Variants in EDNRB observed in about 807,000 individuals in gnomAD.
EDNRB encodes the protein endothelin receptor type B.
EDNRB carries 18 observed loss-of-function variants against 46.4 expected under a neutral mutation model. The ratio of observed to expected loss-of-function variants is 0.39; its 90% CI spans 0.27 to 0.57. The LOEUF is 0.57. Among genes scored for constraint, EDNRB ranks in the 20% least tolerant of loss-of-function variants. The probability of loss-of-function intolerance (pLI) is 0.61; values close to 1 mark genes in which losing one functional copy is unlikely to be tolerated. For missense variants in EDNRB, 434 were observed against 537.5 expected, an observed-to-expected ratio of 0.81 and a Z score of 1.90; for synonymous variants, 213 against 204.9, an observed-to-expected ratio of 1.04 and a Z score of -0.34.
At chr13:77,933,751 C>T (rs1029905945) in intron 1 of EDNRB, among the ~76,000 whole-genome samples, 4 of 152,020 alleles carry the variant, frequency 2.6e-5, no homozygotes, top group Non-Finnish European at 4.4e-5. Flanking sequence ...AGGGCTGCTT[C>T]GAGCGGGATT....
In EDNRB at chr13:77,937,006, G is replaced by A. The variant is rs1880587592; in HGVS notation, c.-51-18382C>T. On this transcript the variant is annotated intron_variant, in intron 1 of 7. Transcript: ENST00000646948. ...ATTAATTCCTGTTGTGGGGTTTGAG[G>A]GCCAGATTCTAATTTTTGAAGTTTT... Among the ~76,000 whole-genome samples, 8 of 152,104 alleles carry A rather than the reference G, an allele frequency of 5.3e-5. 1 individual carries two copies. Among genetic ancestry groups the A allele is most frequent in the Admixed American group, 5.2e-4 (8 of 15,276 alleles).
Position 77,918,064 on chromosome 13 carries a change from A to T in EDNRB, c.483+27T>A, listed in dbSNP as rs753492844. The T allele has an allele frequency of 1.2e-6, 2 of 1,613,736 alleles. No individual in the cohort carries two copies. Among genetic ancestry groups the T allele is most frequent in the Non-Finnish European group, 8.5e-7 (1 of 1,180,016 alleles). ...CAACCAGGCCCCCTTCCTCAAGCCC[A>T]CCATGATTTCAGCAGGCGCCCTTTA... On this transcript the variant is annotated intron_variant, in intron 1 of 6. Transcript: ENST00000646607. The surrounding 1 kb of genome is among the most constrained non-coding windows in gnomAD (Gnocchi z 4.5).
At position 77,918,210 on chromosome 13, in the gene EDNRB, G is replaced by A; in HGVS notation, c.364C>T (p.Leu122Phe). 6.2e-7 allele frequency: 1 copy of A among 1,614,170 alleles called. No homozygotes were observed. The highest frequency in any genetic ancestry group is 8.5e-7 in the Non-Finnish European group (1 of 1,180,024). The change falls in exon 1 of 7, where the codon CTT becomes TTT. Residue 122 changes from leucine (L) to phenylalanine (F), a missense_variant. Leu to Phe is a conservative substitution (Grantham distance 22). Transcript: ENST00000646607. This position sits in a 1 kb window ranked among gnomAD's most constrained non-coding sequence, Gnocchi z 4.5. ...TTGTTCTTGTAGATAATTCTCAGAA[G>A]TGTGGAGTTCCCGATGATCCCCAGC... ...FVLGIIGNST[L>F]LRIIYKNKCM...
In EDNRB at chr13:77,918,750, C is replaced by A. The variant is rs201187663; in HGVS notation, c.-177G>T. On this transcript the variant is annotated 5_prime_UTR_variant, in exon 1 of 7. Coordinates refer to ENST00000646607, the MANE Select transcript of EDNRB (RefSeq NM_001122659.3). This position sits in a 1 kb window ranked among gnomAD's most constrained non-coding sequence, Gnocchi z 4.5. ...CACGCTCAAAAGTAACTCAAGTTTG[C>A]GCGCCAGTGGGAAACTTGGCGCTCA... 2 of 1,327,262 alleles carry A rather than the reference C, an allele frequency of 1.5e-6. No individual in the cohort carries two copies. The highest frequency in any genetic ancestry group is 1.9e-6 in the Non-Finnish European group (2 of 1,043,736). 82.2% of individuals were successfully genotyped at this position (1,327,262 alleles called of 1,614,324 possible). A position where few individuals can be genotyped will look rare whatever the true frequency, so the allele number is the denominator to read the frequency against.
intron 1 of EDNRB, chr13:77,939,889 G>C (rs1422121586): frequency 1.3e-5 from 2 of 152,058 alleles, no homozygotes; most frequent in Non-Finnish European, 2.9e-5. Context: ...CCAGCTACTT[G>C]GGAGGCTGAT....
At chr13:77,963,130 C>G (rs1881475950) in intron 1 of EDNRB, among the ~76,000 whole-genome samples, 1 of 152,124 alleles carries the variant, frequency 6.6e-6, no homozygotes, top group Non-Finnish European at 1.5e-5. Flanking sequence ...AGGACACAAA[C>G]AAATGGAAGA....
chr13:77,899,804 A>G, intron 6 of EDNRB, 55 bp downstream of exon 6: 1 of 1,336,034 alleles, frequency 7.5e-7, no homozygotes, highest in Non-Finnish European at 1.1e-6. Context: ...CAGTTTTGAA[A>G]GCTTATATTT....
At chr13:77,900,091 C>G in intron 5 of EDNRB, 124 bp from the exon 6 acceptor site, 1 of 780,456 alleles carries the variant, frequency 1.3e-6, no homozygotes. Flanking sequence ...ATTTATCACT[C>G]GTCTTTGCTA....
chr13:77,941,656 C>T (rs550144850), intron 1 of EDNRB, among the ~76,000 whole-genome samples: 7 of 151,138 alleles, frequency 4.6e-5, no homozygotes, highest in South Asian at 4.2e-4. Flanking sequence ...TGGAACAGAA[C>T]GATGGTTTAA....
At chr13:77,964,403 A>G (rs1322326477) in intron 1 of EDNRB, among the ~76,000 whole-genome samples, 1 of 152,222 alleles carries the variant, frequency 6.6e-6, no homozygotes, top group East Asian at 1.9e-4. Flanking sequence ...GATAGACTGG[A>G]TTGAGAAAAT....
intron 2 of EDNRB, 59 bp from the exon 3 acceptor site, chr13:77,903,419 A>T (rs1460134240): frequency 1.2e-6 from 2 of 1,610,486 alleles, no homozygotes; most frequent in African/African-American, 2.7e-5. Context: ...ATTGAATTGC[A>T]CAGTTTATTT....
chr13:77,899,954 A>G lies in EDNRB; in HGVS notation c.1099T>C (p.Leu367=), dbSNP rs1878850920. 6.2e-7 allele frequency: 1 copy of G among 1,611,690 alleles called. No homozygotes were observed. Among genetic ancestry groups the G allele is most frequent in the Non-Finnish European group, 8.5e-7 (1 of 1,178,590 alleles). Residue 367 remains leucine, a synonymous_variant, in exon 6 of 7, where the codon TTG becomes CTG. Coordinates refer to ENST00000646607, the MANE Select transcript of EDNRB (RefSeq NM_001122659.3). ...GCCATGTTGATACCAATATAGTCCA[A>G]TACCAACAGAAAGCTGCAACAAAAT... ...RCELLSFLLV[L]DYIGINMASL...
At chr13:77,952,607 G>A (rs899361628) in intron 1 of EDNRB, among the ~76,000 whole-genome samples, 4 of 152,110 alleles carry the variant, frequency 2.6e-5, no homozygotes, top group African/African-American at 9.7e-5. Context: ...AAAAATTAAA[G>A]TACTACAATA....
intron 1 of EDNRB, among the ~76,000 whole-genome samples, chr13:77,969,678 C>T (rs1881674799): frequency 6.6e-6 from 1 of 152,152 alleles, no homozygotes; most frequent in East Asian, 1.9e-4. Context: ...CAAAACATTA[C>T]CCGCCTGCAC....
chr13:77,918,371 G>A lies in EDNRB; in HGVS notation c.203C>T (p.Pro68Leu), dbSNP rs201737510. The change falls in exon 1 of 7, where the codon CCT (proline) becomes CTT (leucine). Residue 68 changes from proline (P) to leucine (L), a missense_variant. Pro to Leu is a moderately conservative substitution (Grantham distance 98, BLOSUM62 -3). Transcript: ENST00000646607. The surrounding 1 kb of genome is among the most constrained non-coding windows in gnomAD (Gnocchi z 4.5). ...SNASLARSLA[P>L]AEVPKGDRTA... ...CCTGTCTCCTTTAGGCACCTCCGCA[G>A]GTGCCAACGACCGCGCCAGACTGGC... 2.3e-5 allele frequency: 37 copies of A among 1,608,918 alleles called. No individual in the cohort carries two copies. Among genetic ancestry groups the A allele is most frequent in the Non-Finnish European group, 2.8e-5 (33 of 1,176,364 alleles).
intron 1 of EDNRB, among the ~76,000 whole-genome samples, chr13:77,911,092 C>T (rs559054105): frequency 6.6e-6 from 1 of 152,032 alleles, no homozygotes; most frequent in East Asian, 1.9e-4. Flanking sequence ...AAAACTATCA[C>T]CGACATATTA....
At chr13:77,931,430 C>G (rs1268133112) in intron 1 of EDNRB, among the ~76,000 whole-genome samples, 1 of 152,080 alleles carries the variant, frequency 6.6e-6, no homozygotes, top group Non-Finnish European at 1.5e-5. Flanking sequence ...TATAATCCAG[C>G]CTTACTGGCT....
At chr13:77,953,701 T>C (rs1324436417) in intron 1 of EDNRB, among the ~76,000 whole-genome samples, 2 of 152,098 alleles carry the variant, frequency 1.3e-5, no homozygotes, top group African/African-American at 4.8e-5. Flanking sequence ...GTGACTGTGG[T>C]AGAGAGATGG....
At chr13:77,953,508 T>A (rs983707823) in intron 1 of EDNRB, among the ~76,000 whole-genome samples, 1 of 152,144 alleles carries the variant, frequency 6.6e-6, no homozygotes, top group Admixed American at 6.6e-5. Flanking sequence ...ACAACCAGAA[T>A]GAACATGGCA....
Sources: allele counts gnomAD v4.1 joint callset (sites outside exome capture counted in the v4.1 genomes callset), GRCh38; gene constraint gnomAD v4.1.1; non-coding constraint Gnocchi (gnomAD v3.1); transcripts MANE v1.5; gene names NCBI Gene and HGNC (gene_info 2026-07-23, HGNC 2026-07-21).